Variants in NEK7 observed in about 807,000 individuals in gnomAD.
NEK7 encodes NIMA related kinase 7, also known as serine/threonine-protein kinase Nek7.
In NEK7, 18 loss-of-function variants were observed where a neutral mutation model predicts 44.6. The observed-to-expected ratio is 0.40, with a 90% CI of 0.28 to 0.60. The LOEUF (loss-of-function observed/expected upper bound fraction) is 0.60. Among genes scored for constraint, NEK7 ranks in the 20% least tolerant of loss-of-function variants. The pLI is 0.38. For missense variants in NEK7, 256 were observed against 366.5 expected, an observed-to-expected ratio of 0.70 and a Z score of 2.46; for synonymous variants, 130 against 121.1, an observed-to-expected ratio of 1.07 and a Z score of -0.48.
At chr1:198,269,660 T>C (rs1274044570) in intron 5 of NEK7, among the ~76,000 whole-genome samples, 2 of 152,078 alleles carry the variant, frequency 1.3e-5, no homozygotes, top group African/African-American at 2.4e-5. Context: ...AGAGGAAATA[T>C]AGCTTCTGGT....
chr1:198,275,825 T>C (rs1400766076), intron 5 of NEK7, among the ~76,000 whole-genome samples: 1 of 151,358 alleles, frequency 6.6e-6, no homozygotes, highest in Non-Finnish European at 1.5e-5. Context: ...ATTTTAAGTG[T>C]TGGTTTTCTC....
chr1:198,249,388 T>A (rs1652828817), intron 2 of NEK7, among the ~76,000 whole-genome samples: 1 of 151,986 alleles, frequency 6.6e-6, no homozygotes, highest in Non-Finnish European at 1.5e-5. Flanking sequence ...TGATTTATAG[T>A]CCTTTGGGTA....
rs1401530667 is a variant in NEK7 at position 198,274,264 on chromosome 1, G to GT, written c.373-3691dup. 4.0e-5 allele frequency among the ~76,000 whole-genome samples: 6 copies of GT among 151,100 alleles called. No homozygotes were observed. In the South Asian group the frequency reaches 1.0e-3, roughly 26 times the overall value. ...CAGGATTGCATTTTTTTGTTTGTTT[G>GT]TTTTTTATTTTTTTAACCACAGCAG... is the stretch of plus-strand genomic sequence containing the variant. On this transcript the variant is annotated intron_variant, in intron 5 of 9. Transcript: ENST00000367385.
chr1:198,161,629 T>G (rs749531258), intron 1 of NEK7, among the ~76,000 whole-genome samples: 16 of 152,170 alleles, frequency 1.1e-4, no homozygotes, highest in Non-Finnish European at 1.8e-4. Flanking sequence ...TTCCCAAATT[T>G]TGTGTTTCAT....
intron 7 of NEK7, among the ~76,000 whole-genome samples, chr1:198,281,884 TGTATAG>T (rs1178035539): frequency 6.6e-6 from 1 of 152,068 alleles, no homozygotes; most frequent in Non-Finnish European, 1.5e-5. Flanking sequence ...CAAATAAAGT[TGTATAG>T]GTGGCCACAT....
chr1:198,250,898 C>T (rs536995014), intron 2 of NEK7, among the ~76,000 whole-genome samples: 9 of 152,214 alleles, frequency 5.9e-5, no homozygotes, highest in African/African-American at 1.7e-4. Context: ...ATTGCCCTGG[C>T]CAGTGCTTCC....
At chr1:198,256,242 C>T in intron 3 of NEK7, 3 of 1,397,494 alleles carry the variant, frequency 2.1e-6, no homozygotes, top group South Asian at 1.9e-5. Context: ...TTTTAAGGCC[C>T]TTCCCTACTT....
intron 7 of NEK7, among the ~76,000 whole-genome samples, chr1:198,279,547 C>A (rs2102983475): frequency 6.6e-6 from 1 of 151,940 alleles, no homozygotes; most frequent in South Asian, 2.1e-4. Context: ...TAGGGCTTAT[C>A]TTAAAACTCC....
At chr1:198,315,605 C>G (rs551900327) in intron 9 of NEK7, among the ~76,000 whole-genome samples, 5 of 152,062 alleles carry the variant, frequency 3.3e-5, no homozygotes, top group Non-Finnish European at 7.4e-5. Flanking sequence ...GAAGACTATC[C>G]AAGAGTGTGG....
At chr1:198,178,360 A>C (rs1300416582) in intron 1 of NEK7, among the ~76,000 whole-genome samples, 2 of 152,110 alleles carry the variant, frequency 1.3e-5, no homozygotes, top group Non-Finnish European at 2.9e-5. Flanking sequence ...CGAAATGAAT[A>C]GGAATCTTTC....
chr1:198,315,788 G>GA (rs1358205138), intron 9 of NEK7, among the ~76,000 whole-genome samples: 1 of 151,930 alleles, frequency 6.6e-6, no homozygotes, highest in Non-Finnish European at 1.5e-5. Context: ...TGGTTGGGGA[G>GA]AAAAAAATAC....
chr1:198,247,552 A>G (rs998355355), intron 2 of NEK7, among the ~76,000 whole-genome samples: 6 of 152,222 alleles, frequency 3.9e-5, no homozygotes, highest in African/African-American at 1.4e-4. Context: ...AGTAATTATA[A>G]GAATTATCTT....
chr1:198,238,142 T>G (rs887263271), intron 2 of NEK7, among the ~76,000 whole-genome samples: 2 of 152,182 alleles, frequency 1.3e-5, no homozygotes, highest in Non-Finnish European at 2.9e-5. Context: ...TCTCCCTTTC[T>G]TATTGAAGTT....
chr1:198,254,452 C>T (rs1476937979), intron 3 of NEK7, among the ~76,000 whole-genome samples: 7 of 152,138 alleles, frequency 4.6e-5, no homozygotes, highest in East Asian at 3.9e-4. Context: ...ATGTATTACA[C>T]GCACACACAC....
rs147162957 is a variant in NEK7 at position 198,265,547 on chromosome 1, A to G, written c.372+1312A>G. Among the ~76,000 whole-genome samples, 216 of 152,150 alleles carry G rather than the reference A, an allele frequency of 1.4e-3. 1 individual carries two copies. The highest frequency in any genetic ancestry group is 5.1e-3 in the African/African-American group (210 of 41,534). ...TATAGACCGGCTGACTAGAAACAGG[A>G]CGTCCTTGTGATTGGTTAGGAGTAC... On this transcript the variant is annotated intron_variant, in intron 5 of 9. Transcript: ENST00000367385.
intron 2 of NEK7, chr1:198,245,059 C>A (rs3886269): frequency 0.17 from 27,308 of 159,380 alleles, 3,414 homozygotes; most frequent in African/African-American, 0.33. Flanking sequence ...ATAATGTGTT[C>A]TTACAATAAA....
chr1:198,302,816 T>A (rs1425034582), intron 9 of NEK7, among the ~76,000 whole-genome samples: 2 of 152,116 alleles, frequency 1.3e-5, no homozygotes, highest in Non-Finnish European at 2.9e-5. Flanking sequence ...AGTAGAGACC[T>A]AGACAATGTT....
chr1:198,179,864 C>T (rs1211176329), intron 1 of NEK7, among the ~76,000 whole-genome samples: 2 of 151,942 alleles, frequency 1.3e-5, no homozygotes, highest in Admixed American at 6.6e-5. Context: ...TGTAAACACA[C>T]AAAGTAGACT....
At position 198,231,297 on chromosome 1, in the gene NEK7, G is replaced by GTATA. The variant is rs1236094292; in HGVS notation, c.-28-1255_-28-1254insATAT. Among the ~76,000 whole-genome samples the GTATA allele has an allele frequency of 8.1e-3, 726 of 89,786 alleles. 3 individuals are homozygous for GTATA. Among genetic ancestry groups the GTATA allele is most frequent in the South Asian group, 0.022 (64 of 2,858 alleles). 58.9% of individuals were successfully genotyped at this position (89,786 alleles called of 152,430 possible). On this transcript the variant is annotated intron_variant, in intron 1 of 9. Coordinates refer to ENST00000367385, the MANE Select transcript of NEK7 (RefSeq NM_133494.3). ...TGTGTGTGTATATACGTGTATGTGT[G>GTATA]TGTGTATATATATATATATATATAT...
Sources: gnomAD v4.1 joint callset for allele counts (sites outside exome capture counted in the v4.1 genomes callset) on GRCh38, gnomAD v4.1.1 for gene constraint, MANE v1.5 for transcripts, NCBI Gene and HGNC (gene_info 2026-07-23, HGNC 2026-07-21) for gene names.